Variants in ITPR2 observed in about 807,000 individuals in gnomAD.
The protein encoded by ITPR2 is inositol 1,4,5-trisphosphate receptor type 2.
A neutral mutation model predicts 317.1 loss-of-function variants in ITPR2; 207 were observed. That is an observed-to-expected ratio of 0.65 (90% CI 0.58 to 0.73). The LOEUF is 0.73. Ranked by LOEUF, ITPR2 falls within the 30% of genes least tolerant of loss-of-function variation. ITPR2 has a pLI of 0.00. For synonymous variants in ITPR2, 1,156 were observed against 1,149.1 expected, an observed-to-expected ratio of 1.01 and a Z score of -0.12; for missense variants, 2,613 against 3,284.0, an observed-to-expected ratio of 0.80 and a Z score of 4.99.
At chr12:26,724,588 G>A in intron 4 of ITPR2, 68 bp downstream of exon 4, 2 of 926,602 alleles carry the variant, frequency 2.2e-6, no homozygotes, top group Non-Finnish European at 3.5e-6. Context: ...AACGCAGTTT[G>A]GCTTTCCTGC....
At chr12:26,548,303 A>G (rs549666239) in intron 37 of ITPR2, among the ~76,000 whole-genome samples, 25 of 152,318 alleles carry the variant, frequency 1.6e-4, no homozygotes, top group Non-Finnish European at 3.5e-4. Flanking sequence ...CCTGAGGTAC[A>G]TTATAGGTAC....
At chr12:26,464,621 A>G (rs903852622) in intron 45 of ITPR2, among the ~76,000 whole-genome samples, 5 of 152,220 alleles carry the variant, frequency 3.3e-5, no homozygotes, top group Admixed American at 3.3e-4. Context: ...CTCTCACTCA[A>G]TGAATCAAAA....
At chr12:26,520,349 T>G (rs1943631226) in intron 37 of ITPR2, among the ~76,000 whole-genome samples, 1 of 152,170 alleles carries the variant, frequency 6.6e-6, no homozygotes, top group Non-Finnish European at 1.5e-5. Context: ...AAGAAGAGAC[T>G]TGTTCCTCTT....
At chr12:26,714,070 A>C (rs1051428387) in intron 8 of ITPR2, among the ~76,000 whole-genome samples, 12 of 152,234 alleles carry the variant, frequency 7.9e-5, no homozygotes, top group Admixed American at 2.0e-4. Flanking sequence ...TTCAAGATAG[A>C]AGATAAGTTC....
At chr12:26,587,150 T>C (rs930556183) in intron 32 of ITPR2, among the ~76,000 whole-genome samples, 5 of 151,910 alleles carry the variant, frequency 3.3e-5, no homozygotes, top group African/African-American at 9.6e-5. Flanking sequence ...TAGCTTCATA[T>C]GACATTTATT....
At chr12:26,465,578 A>G (rs983094403) in intron 45 of ITPR2, among the ~76,000 whole-genome samples, 4 of 151,910 alleles carry the variant, frequency 2.6e-5, no homozygotes, top group Non-Finnish European at 5.9e-5. Flanking sequence ...AACAGAGGGA[A>G]AGTGGTATCT....
intron 42 of ITPR2, among the ~76,000 whole-genome samples, chr12:26,483,369 G>A (rs1942588352): frequency 6.6e-6 from 1 of 152,184 alleles, no homozygotes; most frequent in South Asian, 2.1e-4. Context: ...TCCTTGTAGG[G>A]ATGCCAAAGG....
At chr12:26,701,738 C>G (rs1471708542) in intron 9 of ITPR2, among the ~76,000 whole-genome samples, 1 of 152,138 alleles carries the variant, frequency 6.6e-6, no homozygotes, top group Non-Finnish European at 1.5e-5. Flanking sequence ...TTCTTGAGTA[C>G]TGGGTTTTTA....
At chr12:26,646,877 G>A in intron 21 of ITPR2, among the ~76,000 whole-genome samples, 1 of 152,118 alleles carries the variant, frequency 6.6e-6, no homozygotes, top group East Asian at 1.9e-4. Context: ...ACTGGGAATA[G>A]GCCCACATTT....
intron 45 of ITPR2, among the ~76,000 whole-genome samples, chr12:26,465,750 TA>T (rs1942156308): frequency 1.3e-5 from 2 of 152,188 alleles, no homozygotes; most frequent in South Asian, 4.1e-4. Context: ...CCTCCTGTAA[TA>T]AAGGTATACT....
intron 38 of ITPR2, 121 bp from the exon 39 acceptor site, chr12:26,494,461 A>T: frequency 1.5e-6 from 1 of 669,732 alleles, no homozygotes. Flanking sequence ...TTTTTTCCCT[A>T]CAAAGTTAAA....
chr12:26,436,884 G>A (rs1203692697), intron 47 of ITPR2, among the ~76,000 whole-genome samples: 2 of 152,170 alleles, frequency 1.3e-5, no homozygotes, highest in Non-Finnish European at 2.9e-5. Flanking sequence ...GGGAACTAGT[G>A]ATTTATAATA....
At chr12:26,610,227 T>A (rs1375588761) in intron 26 of ITPR2, among the ~76,000 whole-genome samples, 1 of 152,254 alleles carries the variant, frequency 6.6e-6, no homozygotes, top group African/African-American at 2.4e-5. Context: ...AAAAGTCAGC[T>A]AATCGATCAC....
intron 48 of ITPR2, among the ~76,000 whole-genome samples, chr12:26,430,651 C>T (rs571190216): frequency 1.2e-4 from 19 of 152,230 alleles, no homozygotes; most frequent in Non-Finnish European, 2.4e-4. Flanking sequence ...ATATATGTAT[C>T]CATTTTCTAT....
At chr12:26,428,172 T>A in intron 48 of ITPR2, 84 bp from the exon 49 acceptor site, 2 of 990,266 alleles carry the variant, frequency 2.0e-6, no homozygotes, top group South Asian at 4.5e-5. Context: ...TTATATGGTA[T>A]CATTAAGTCA....
intron 2 of ITPR2, among the ~76,000 whole-genome samples, chr12:26,755,258 G>T (rs1476728862): frequency 6.6e-6 from 1 of 152,010 alleles, no homozygotes; most frequent in Non-Finnish European, 1.5e-5. Flanking sequence ...TCTTGTTTTG[G>T]TCCTCTTTAG....
At chr12:26,447,994 C>CT (rs376160734) in intron 45 of ITPR2, among the ~76,000 whole-genome samples, 15 of 82,182 alleles carry the variant, frequency 1.8e-4, no homozygotes, top group African/African-American at 4.6e-4. Flanking sequence ...TTTTACATGA[C>CT]TTTTTTTTAA....
At chr12:26,577,840 G>C (rs1039303863) in intron 34 of ITPR2, among the ~76,000 whole-genome samples, 7 of 152,038 alleles carry the variant, frequency 4.6e-5, no homozygotes, top group African/African-American at 1.7e-4. Context: ...TATTTGTTGA[G>C]GTATGCTATA....
intron 35 of ITPR2, among the ~76,000 whole-genome samples, chr12:26,560,234 C>CT (rs989801311): frequency 2.0e-5 from 3 of 152,130 alleles, no homozygotes; most frequent in African/African-American, 7.2e-5. Flanking sequence ...TTCTGACCCA[C>CT]TTTTTTTTCT....
Sources: gnomAD v4.1 joint callset for allele counts (sites outside exome capture counted in the v4.1 genomes callset) on GRCh38, gnomAD v4.1.1 for gene constraint, MANE v1.5 for transcripts, NCBI Gene and HGNC (gene_info 2026-07-23, HGNC 2026-07-21) for gene names.